Variants in AGA observed in about 807,000 individuals in gnomAD.
AGA encodes the protein aspartylglucosaminidase.
In AGA, 31 loss-of-function variants were observed where a neutral mutation model predicts 40.1. The observed-to-expected ratio is 0.77, with a 90% CI of 0.58 to 1.04. The LOEUF (loss-of-function observed/expected upper bound fraction) is 1.04. Among genes scored for constraint, AGA ranks in the 50% least tolerant of loss-of-function variants. AGA has a pLI of 0.00. For missense variants in AGA, 445 were observed against 435.4 expected, an observed-to-expected ratio of 1.02 and a Z score of -0.20; for synonymous variants, 148 against 144.0, an observed-to-expected ratio of 1.03 and a Z score of -0.20.
rs1736926873 is a variant in AGA at position 177,439,591 on chromosome 4, AAAGT to A, written c.375_378del (p.Leu126Ter). The stretch of plus-strand genomic sequence containing the variant: ...AAAAAAATACCTGACTCTCCTACTA[AAAGT>A]GTGTGTGTTGTATGTTCCAGTACTT... On this transcript the variant is annotated frameshift_variant, in exon 3 of 9. Transcript: ENST00000264595. LOFTEE classifies it high-confidence loss of function. 2 of 1,612,982 alleles carry A rather than the reference AAAGT, an allele frequency of 1.2e-6. No homozygotes were observed. Among genetic ancestry groups the A allele is most frequent in the Admixed American group, 3.3e-5 (2 of 59,994 alleles).
In AGA at chr4:177,436,350, G is replaced by T. The variant is rs1249259830; in HGVS notation, c.624C>A (p.Gly208=). 1.2e-6 allele frequency: 2 copies of T among 1,611,936 alleles called. No individual in the cohort carries two copies. Residue 208 remains glycine, a splice_region_variant and synonymous_variant, in exon 6 of 9, where the codon GGC becomes GGA. Transcript: ENST00000264595. ...TEDDRGHDTI[G]MVVIHKTGHI... Reference sequence around the variant, plus strand: ...GTCCTGTCTTATGGATTACAACCATGCCTAGAAGTTAAAAAAAAAAAATCA... The same window carrying T: ...GTCCTGTCTTATGGATTACAACCATTCCTAGAAGTTAAAAAAAAAAAATCA...
At chr4:177,435,586 T>C (rs908516087) in intron 6 of AGA, among the ~76,000 whole-genome samples, 1 of 152,214 alleles carries the variant, frequency 6.6e-6, no homozygotes, top group African/African-American at 2.4e-5. Flanking sequence ...TTAATGCTTT[T>C]CTATTTCAAA....
At chr4:177,435,159 C>T (rs543561743) in intron 6 of AGA, among the ~76,000 whole-genome samples, 157 of 152,146 alleles carry the variant, frequency 1.0e-3, no homozygotes, top group African/African-American at 3.4e-3. Flanking sequence ...GATCTGCCTG[C>T]CTTGGCCTCC....
At chr4:177,435,291 G>A (rs776210523) in intron 6 of AGA, among the ~76,000 whole-genome samples, 8 of 152,100 alleles carry the variant, frequency 5.3e-5, no homozygotes, top group Non-Finnish European at 1.0e-4. Context: ...GCTTGATTTA[G>A]CCATTCTACA....
At chr4:177,436,021 A>C (rs757362842) in intron 6 of AGA, among the ~76,000 whole-genome samples, 7 of 152,184 alleles carry the variant, frequency 4.6e-5, no homozygotes, top group Non-Finnish European at 8.8e-5. Flanking sequence ...CTCAGGGCTG[A>C]GCTCCAAGCA....
At chr4:177,440,242 A>AT in intron 2 of AGA, 31 bp downstream of exon 2, 1 of 1,613,346 alleles carries the variant, frequency 6.2e-7, no homozygotes, top group Non-Finnish European at 8.5e-7. Flanking sequence ...GTAACTCAAC[A>AT]TAATAAATAG....
rs76316033 is a variant in AGA at position 177,436,524 on chromosome 4, G to A, written c.623-173C>T. On this transcript the variant is annotated intron_variant, in intron 5 of 8. Coordinates refer to ENST00000264595, the MANE Select transcript of AGA (RefSeq NM_000027.4). ...GTATCAAGAGGTGAGGCCTTTGGGA[G>A]CTCATTAGGTCATGAGGACAGAGCC... Among the ~76,000 whole-genome samples, 1,816 of 152,226 alleles carry A rather than the reference G, an allele frequency of 0.012. 30 individuals are homozygous for A. Among genetic ancestry groups the A allele is most frequent in the Admixed American group, 0.051 (787 of 15,286 alleles).
chr4:177,442,352 A>C lies in AGA; in HGVS notation c.24T>G (p.Pro8=), dbSNP rs34413111. Residue 8 remains proline, a synonymous_variant, in exon 1 of 9, where the codon CCT becomes CCG. Transcript: ENST00000264595. MARKSNL[P]VLLVPFLLCQ... ...AGAGCAGAAACGGCACGAGAAGCAC[A>C]GGCAAGTTCGACTTCCGCGCCATCC... 6.2e-7 allele frequency: 1 copy of C among 1,614,100 alleles called. No individual in the cohort carries two copies. The highest frequency in any genetic ancestry group is 1.1e-5 in the South Asian group (1 of 91,088).
intron 1 of AGA, among the ~76,000 whole-genome samples, 158 bp downstream of exon 1, chr4:177,442,091 C>G (rs1024786776): frequency 2.7e-4 from 41 of 152,076 alleles, no homozygotes; most frequent in Admixed American, 2.7e-3. Context: ...CTGAGCGGCG[C>G]TGGAGACTCG....
rs991950983 is a variant in AGA, at chr4:177,438,798, G to A, written c.454C>T (p.Gln152Ter). Residue 152 changes from glutamine to a stop codon, truncating the protein, a stop_gained, in exon 4 of 9, where the codon CAA becomes TAA. Coordinates refer to ENST00000264595, the MANE Select transcript of AGA (RefSeq NM_000027.4). LOFTEE classifies it high-confidence loss of function. ...GCAAGCCAATCTGAATGAAGAGCTT[G>A]AGAAGCAGTGGTAGATAAGTCTTCA... ...INEDLSTTASQALHSDWLARN... is the reference protein window; with the variant it reads ...INEDLSTTAS 4 of 1,611,870 alleles carry A rather than the reference G, an allele frequency of 2.5e-6. No homozygotes were observed. Among genetic ancestry groups the A allele is most frequent in the Non-Finnish European group, 3.4e-6 (4 of 1,177,876 alleles).
chr4:177,441,911 A>G (rs1737028052), intron 1 of AGA, among the ~76,000 whole-genome samples: 1 of 152,232 alleles, frequency 6.6e-6, no homozygotes, highest in Non-Finnish European at 1.5e-5. Context: ...CAGCCCGTGA[A>G]AAGACTGTCA....
rs1265753273 is a variant in AGA, at chr4:177,433,230, A to C, written c.924T>G (p.Asn308Lys). The change falls in exon 8 of 9, where the codon AAT (asparagine) becomes AAG (lysine). Residue 308 changes from asparagine (N) to lysine (K), a missense_variant. Transcript: ENST00000264595. ...PEFFGAVICA[N>K]VTGSYGAACN... is the part of the protein sequence containing the mutation. ...ACAACTTACCGTAACTTCCAGTCAC[A>C]TTGGCACATATAACAGCCCCAAAGA... is the stretch of plus-strand genomic sequence containing the variant. 1.2e-6 allele frequency: 2 copies of C among 1,614,116 alleles called. No individual in the cohort carries two copies.
At position 177,434,415 on chromosome 4, in the gene AGA, C is replaced by G; in HGVS notation, c.773G>C (p.Gly258Ala). The change falls in exon 7 of 9, where the codon GGG becomes GCG. Residue 258 changes from glycine to alanine, a missense_variant. Transcript: ENST00000264595. ...GAAGCGCATCAATATATCACCATTC[C>G]CAGTGGCTGCGGCTGCCCCTGCAGT... ...DDTAGAAAAT[G>A]NGDILMRFLP... 6.2e-7 allele frequency: 1 copy of G among 1,614,158 alleles called. No individual in the cohort carries two copies. Among genetic ancestry groups the G allele is most frequent in the Non-Finnish European group, 8.5e-7 (1 of 1,180,030 alleles).
intron 1 of AGA, 62 bp downstream of exon 1, chr4:177,442,187 C>T (rs1382362460): frequency 1.2e-5 from 20 of 1,602,926 alleles, no homozygotes; most frequent in Non-Finnish European, 1.6e-5. Flanking sequence ...GCGGGGCGGG[C>T]TAGTCATCCC....
intron 6 of AGA, among the ~76,000 whole-genome samples, chr4:177,435,268 A>C (rs1736774224): frequency 6.6e-6 from 1 of 152,212 alleles, no homozygotes; most frequent in Admixed American, 6.5e-5. Context: ...TCTGTGAGAT[A>C]ATAAGTTAAA....
At chr4:177,433,093 C>T (rs1256600184) in intron 8 of AGA, 121 bp downstream of exon 8, 4 of 1,361,766 alleles carry the variant, frequency 2.9e-6, no homozygotes, top group Non-Finnish European at 4.1e-6. Context: ...TTACTCAATG[C>T]CCACTTAAGG....
intron 4 of AGA, among the ~76,000 whole-genome samples, chr4:177,438,248 T>TC (rs1736886666): frequency 6.6e-6 from 1 of 152,022 alleles, no homozygotes; most frequent in African/African-American, 2.4e-5. Flanking sequence ...GACTAAGATA[T>TC]CCCACAGAAG....
At position 177,436,346 on chromosome 4, in the gene AGA, C is replaced by A. The variant is rs761124709; in HGVS notation, c.628G>T (p.Val210Phe). ...ATATGTCCTGTCTTATGGATTACAA[C>A]CATGCCTAGAAGTTAAAAAAAAAAA... ...DDRGHDTIGM[V>F]VIHKTGHIAA... The change falls in exon 6 of 9, where the codon GTT becomes TTT. Residue 210 changes from valine (V) to phenylalanine (F), a missense_variant. Coordinates refer to ENST00000264595, the MANE Select transcript of AGA (RefSeq NM_000027.4). 7 of 1,612,580 alleles carry A rather than the reference C, an allele frequency of 4.3e-6. No homozygotes were observed. The South Asian group carries it at 6.6e-5, about 15-fold the overall frequency.
rs1419134108 is a variant in AGA, at chr4:177,442,294, G to A, written c.82C>T (p.Pro28Ser). 1.2e-6 allele frequency: 2 copies of A among 1,614,092 alleles called. No individual in the cohort carries two copies. The highest frequency in any genetic ancestry group is 1.7e-5 in the Admixed American group (1 of 60,034). ...QALVRCSSPL[P>S]LVVNTWPFKN... is the part of the protein sequence containing the mutation. ...AAGGGCCAAGTGTTGACGACCAGGG[G>A]CAGAGGGCTGGAGCAGCGCACTAGG... The change falls in exon 1 of 9, where the codon CCC becomes TCC. Residue 28 changes from proline (P) to serine (S), a missense_variant. Transcript: ENST00000264595.
Sources: gnomAD v4.1 joint callset for allele counts (sites outside exome capture counted in the v4.1 genomes callset) on GRCh38, gnomAD v4.1.1 for gene constraint, MANE v1.5 for transcripts, NCBI Gene and HGNC (gene_info 2026-07-23, HGNC 2026-07-21) for gene names.